Variants in EVI5 observed in about 807,000 individuals in gnomAD.
EVI5 encodes ecotropic viral integration site 5.
Under a neutral mutation model 112.0 loss-of-function variants are expected in EVI5, and 73 were observed. The observed-to-expected ratio is 0.65, with a 90% CI of 0.54 to 0.79. EVI5 has a LOEUF of 0.79. Ranked by LOEUF, EVI5 falls within the 30% of genes least tolerant of loss-of-function variation. EVI5 has a pLI of 0.00. For synonymous variants in EVI5, 305 were observed against 319.9 expected, an observed-to-expected ratio of 0.95 and a Z score of 0.50; for missense variants, 900 against 968.8, an observed-to-expected ratio of 0.93 and a Z score of 0.94.
At chr1:92,709,733 T>C (rs1439638202) in intron 2 of EVI5, among the ~76,000 whole-genome samples, 1 of 152,190 alleles carries the variant, frequency 6.6e-6, no homozygotes, top group Non-Finnish European at 1.5e-5. Flanking sequence ...TCCTATAGCA[T>C]GTAGAAAAAT....
At chr1:92,712,296 G>C (rs1229240465) in intron 2 of EVI5, among the ~76,000 whole-genome samples, 1 of 151,950 alleles carries the variant, frequency 6.6e-6, no homozygotes, top group African/African-American at 2.4e-5. Context: ...CAACACAGAA[G>C]AAAGATACCT....
chr1:92,530,183 T>C (rs1662620612), intron 19 of EVI5, among the ~76,000 whole-genome samples: 1 of 152,090 alleles, frequency 6.6e-6, no homozygotes, highest in African/African-American at 2.4e-5. Context: ...ACGGTAGGAT[T>C]CTTGAAAAAG....
chr1:92,757,907 C>CAAAAAA (rs71091299), intron 1 of EVI5, among the ~76,000 whole-genome samples: 3 of 70,286 alleles, frequency 4.3e-5, no homozygotes, highest in Non-Finnish European at 5.5e-5. Context: ...GACTCTGCCT[C>CAAAAAA]AAAAAAAAAA....
rs1041496733 is a variant in EVI5 at position 92,692,548 on chromosome 1, A to G, written c.1097+1254T>C. ...TCGGCTTGGCTTGCTTTTGTCAATTAGAGCTAACTTTTTAATTTTTTTAAA... is the reference window on the plus strand; with the variant it reads ...TCGGCTTGGCTTGCTTTTGTCAATTGGAGCTAACTTTTTAATTTTTTTAAA... On this transcript the variant is annotated intron_variant, in intron 9 of 19. Coordinates refer to ENST00000684568, the MANE Select transcript of EVI5 (RefSeq NM_001350197.2). Among the ~76,000 whole-genome samples the G allele has an allele frequency of 2.0e-5, 3 of 152,356 alleles. No individual in the cohort carries two copies. In the East Asian group the frequency reaches 5.8e-4, roughly 29 times the overall value.
intron 9 of EVI5, among the ~76,000 whole-genome samples, chr1:92,682,762 G>A (rs1667818496): frequency 6.6e-6 from 1 of 152,008 alleles, no homozygotes; most frequent in Non-Finnish European, 1.5e-5. Context: ...AAGAAACAAA[G>A]GTCTTCAAAA....
At chr1:92,787,118 TTTTG>T (rs1470803182), upstream of EVI5, among the ~76,000 whole-genome samples, 1 of 152,222 alleles carries the variant, frequency 6.6e-6, no homozygotes, top group African/African-American at 2.4e-5. Flanking sequence ...CAGGATTTGA[TTTTG>T]TTTGTTTCAT....
At chr1:92,746,911 T>G (rs2893224) in intron 1 of EVI5, among the ~76,000 whole-genome samples, 1 of 149,514 alleles carries the variant, frequency 6.7e-6, no homozygotes, top group Non-Finnish European at 1.5e-5. Context: ...AAAAAAAAAG[T>G]TTTTTTAAAA....
Position 92,511,324 on chromosome 1 carries a change from CT to C in EVI5, c.*2331del, listed in dbSNP as rs1659178873. The C allele has an allele frequency of 6.6e-6, 1 of 152,252 alleles. No individual in the cohort carries two copies. The highest frequency in any genetic ancestry group is 2.4e-5 in the African/African-American group (1 of 41,398). 9.4% of individuals were successfully genotyped at this position (152,252 alleles called of 1,614,324 possible). ...ATTAGCCAGTTGTGGTGGCGTGCAC[CT>C]GTAGTCCCAGCTACTTGGGAGCTGA... On this transcript the variant is annotated 3_prime_UTR_variant, in exon 20 of 20. Transcript: ENST00000684568.
At chr1:92,725,786 GA>G (rs1205896185) in intron 2 of EVI5, among the ~76,000 whole-genome samples, 1 of 151,398 alleles carries the variant, frequency 6.6e-6, no homozygotes, top group East Asian at 1.9e-4. Context: ...AGGTGGGGGG[GA>G]AATCAATCCA....
At chr1:92,565,723 C>A (rs1164539607) in intron 18 of EVI5, among the ~76,000 whole-genome samples, 1 of 151,892 alleles carries the variant, frequency 6.6e-6, no homozygotes, top group Non-Finnish European at 1.5e-5. Context: ...AATCCCAGCA[C>A]TTCAGGAGGC....
intron 9 of EVI5, among the ~76,000 whole-genome samples, chr1:92,682,529 A>T (rs1362612851): frequency 6.6e-6 from 1 of 152,118 alleles, no homozygotes; most frequent in Non-Finnish European, 1.5e-5. Flanking sequence ...TGGGAGGCCG[A>T]GGTGGGTGGA....
intron 19 of EVI5, among the ~76,000 whole-genome samples, chr1:92,530,574 A>G (rs1662705160): frequency 6.6e-6 from 1 of 152,006 alleles, no homozygotes; most frequent in South Asian, 2.1e-4. Context: ...CTCTGGGACA[A>G]AGCTTTCAGA....
chr1:92,781,030 T>C (rs537985421), intron 1 of EVI5, among the ~76,000 whole-genome samples: 2 of 151,980 alleles, frequency 1.3e-5, no homozygotes, highest in Admixed American at 1.3e-4. Flanking sequence ...TTTTGTATTT[T>C]TAGTAGAGAC....
chr1:92,601,452 A>G (rs1649152799), intron 18 of EVI5, among the ~76,000 whole-genome samples: 1 of 152,238 alleles, frequency 6.6e-6, no homozygotes, highest in African/African-American at 2.4e-5. Context: ...CATGCAACCA[A>G]CCTAAATGTC....
At chr1:92,740,838 T>C (rs1290062579) in intron 1 of EVI5, among the ~76,000 whole-genome samples, 1 of 152,232 alleles carries the variant, frequency 6.6e-6, no homozygotes, top group Non-Finnish European at 1.5e-5. Flanking sequence ...CCCTTCAGTA[T>C]CTTTGTTAAT....
At chr1:92,757,144 C>CT (rs1370048225) in intron 1 of EVI5, among the ~76,000 whole-genome samples, 3 of 152,212 alleles carry the variant, frequency 2.0e-5, no homozygotes, top group Non-Finnish European at 4.4e-5. Flanking sequence ...TAAACAAACA[C>CT]TTTGACGGTG....
At position 92,636,360 on chromosome 1, in the gene EVI5, A is replaced by C. The variant is rs1182282366; in HGVS notation, c.1393-24T>G. The C allele has an allele frequency of 4.4e-6, 7 of 1,600,710 alleles. No individual in the cohort carries two copies. The African/African-American group carries it at 9.4e-5, about 21-fold the overall frequency. Reference sequence around the variant, plus strand: ...TGCTAAAGGTTACAGACATACACTGAAATTTCATGAAAGTATAAACATGTA... The same window carrying C: ...TGCTAAAGGTTACAGACATACACTGCAATTTCATGAAAGTATAAACATGTA... On this transcript the variant is annotated intron_variant, in intron 13 of 19. Coordinates refer to ENST00000684568, the MANE Select transcript of EVI5 (RefSeq NM_001350197.2).
chr1:92,726,728 TG>T (rs1430135941), intron 2 of EVI5, among the ~76,000 whole-genome samples: 1 of 152,114 alleles, frequency 6.6e-6, no homozygotes, highest in Non-Finnish European at 1.5e-5. Flanking sequence ...AATAATGTAG[TG>T]TAGAGTTTAT....
intron 1 of EVI5, among the ~76,000 whole-genome samples, chr1:92,737,279 T>C (rs999669438): frequency 1.3e-5 from 2 of 152,174 alleles, no homozygotes; most frequent in Admixed American, 1.3e-4. Context: ...GAATTTCTAA[T>C]AGTTGGCTTA....
Sources: allele counts gnomAD v4.1 joint callset (sites outside exome capture counted in the v4.1 genomes callset), GRCh38; gene constraint gnomAD v4.1.1; transcripts MANE v1.5; gene names NCBI Gene and HGNC (gene_info 2026-07-23, HGNC 2026-07-21).